The following FHL1 variants were observed in gnomAD, a reference collection of about 807,000 sequenced individuals.
FHL1 encodes four and a half LIM domains protein 1.
A neutral mutation model predicts 20.3 loss-of-function variants in FHL1; 1 was observed. The observed-to-expected ratio is 0.05, with a 90% CI of 0.02 to 0.23. The LOEUF is 0.23. FHL1 is among the 10% of genes least tolerant of loss of function. The probability of loss-of-function intolerance (pLI) is 1.00; values close to 1 mark genes in which losing one functional copy is unlikely to be tolerated. For synonymous variants in FHL1, 82 were observed against 88.9 expected (o/e 0.92, Z 0.44); for missense variants, 177 against 234.0 (o/e 0.76, Z 1.59).
intron 2 of FHL1, among the ~76,000 whole-genome samples, chrX:136,175,741 T>C (rs916747023): frequency 8.9e-6 from 1 of 112,150 alleles, no homozygotes; most frequent in African/African-American, 3.2e-5. Flanking sequence ...GGATGCAAAA[T>C]TGTATATATG....
chrX:136,210,435 C>G lies in FHL1; in HGVS notation c.*410C>G. On this transcript the variant is annotated 3_prime_UTR_variant, in exon 6 of 6. Coordinates refer to ENST00000370683, the MANE Select transcript of FHL1 (RefSeq NM_001159699.2). ...GTAGACACACGACATGCAAGAGTTGCAGCGGCTGCTCCAACTCACTGCTCA... is the reference window on the plus strand; with the variant it reads ...GTAGACACACGACATGCAAGAGTTGGAGCGGCTGCTCCAACTCACTGCTCA... The G allele has an allele frequency of 5.1e-6, 2 of 391,984 alleles. No homozygotes were observed. Among genetic ancestry groups the G allele is most frequent in the South Asian group, 2.6e-5 (1 of 38,796 alleles). The allele number at this position is 391,984 out of a possible 1,213,427, so 32.3% of individuals were successfully genotyped here.
chrX:136,148,699 GTAT>G (rs1252283360), intron 1 of FHL1: 1 of 111,609 alleles, frequency 9.0e-6, no homozygotes, highest in Non-Finnish European at 1.9e-5. Flanking sequence ...GTTGAGCGCT[GTAT>G]TATTTTCTGC....
At chrX:136,148,683 G>T (rs1224442314) in intron 1 of FHL1, 1 of 111,594 alleles carries the variant, frequency 9.0e-6, no homozygotes, top group East Asian at 2.8e-4. Flanking sequence ...CTGTTGTGTC[G>T]TTCGTGTTGA....
At chrX:136,197,172 T>C in intron 1 of FHL1, 38 bp downstream of exon 1, 1 of 1,158,756 alleles carries the variant, frequency 8.6e-7, no homozygotes, top group Non-Finnish European at 1.2e-6. Context: ...TTGAGCACAG[T>C]TTTGTTAGGG....
Position 136,210,073 on chromosome X carries a change from T to TTGTG in FHL1, c.*50_*53dup. 2 of 1,207,548 alleles carry TTGTG rather than the reference T, an allele frequency of 1.7e-6. No homozygotes were observed. The highest frequency in any genetic ancestry group is 2.2e-6 in the Non-Finnish European group (2 of 891,880). ...TAAAATGGCATTTGAATCTCGTTCTTTGTGTCCTTACTTTCTGCCCTATAC... is the reference window on the plus strand; with the variant it reads ...TAAAATGGCATTTGAATCTCGTTCTTTGTGTGTGTCCTTACTTTCTGCCCTATAC... On this transcript the variant is annotated 3_prime_UTR_variant, in exon 6 of 6. Transcript: ENST00000370683.
intron 2 of FHL1, among the ~76,000 whole-genome samples, chrX:136,171,917 C>T (rs1264910112): frequency 9.2e-6 from 1 of 108,910 alleles, no homozygotes; most frequent in Non-Finnish European, 1.9e-5. Context: ...TGCTTTGTCG[C>T]TCAGGCTGGA....
chrX:136,195,852 T>C (rs2073543322), upstream of FHL1, among the ~76,000 whole-genome samples: 1 of 112,095 alleles, frequency 8.9e-6, no homozygotes, highest in Non-Finnish European at 1.9e-5. Context: ...TAAAGGTGTC[T>C]GTACCAGCGA....
upstream of FHL1, among the ~76,000 whole-genome samples, chrX:136,193,082 TAA>T (rs57788194): frequency 0.024 from 2,321 of 95,445 alleles, 68 homozygotes; most frequent in African/African-American, 0.081. Context: ...AAGAGTCATG[TAA>T]AAAAAAAAAA....
At chrX:136,160,298 T>C (rs903200256) in intron 1 of FHL1, among the ~76,000 whole-genome samples, 1 of 111,835 alleles carries the variant, frequency 8.9e-6, no homozygotes, top group African/African-American at 3.3e-5. Context: ...GCACTGTGTA[T>C]CTTGAAGTGG....
At chrX:136,184,041 T>C (rs1459547802) in intron 2 of FHL1, among the ~76,000 whole-genome samples, 1 of 112,056 alleles carries the variant, frequency 8.9e-6, no homozygotes, top group African/African-American at 3.2e-5. Flanking sequence ...GACAAATTAC[T>C]GATTACTACA....
intron 1 of FHL1, among the ~76,000 whole-genome samples, chrX:136,151,329 G>A (rs746778178): frequency 1.8e-5 from 2 of 113,078 alleles, no homozygotes; most frequent in Admixed American, 1.9e-4. Context: ...ACATAATGTA[G>A]CAGAACATAA....
chrX:136,202,832 G>T (rs1269860955), intron 1 of FHL1, among the ~76,000 whole-genome samples: 1 of 112,244 alleles, frequency 8.9e-6, no homozygotes, highest in African/African-American at 3.2e-5. Flanking sequence ...CAGACTCAGG[G>T]AGCCCACACT....
upstream of FHL1, chrX:136,169,310 G>A: frequency 7.3e-6 from 1 of 137,287 alleles, no homozygotes; most frequent in Non-Finnish European, 1.5e-5. Context: ...CTGTTTCCTA[G>A]TGCTGCAGAA....
chrX:136,171,698 A>C (rs1237848955), intron 2 of FHL1, among the ~76,000 whole-genome samples: 1 of 111,763 alleles, frequency 8.9e-6, no homozygotes, highest in African/African-American at 3.3e-5. Context: ...GGAACATTTA[A>C]ATCGAAGTTT....
At chrX:136,186,559 TA>T (rs1271327750) in intron 2 of FHL1, among the ~76,000 whole-genome samples, 1 of 111,330 alleles carries the variant, frequency 9.0e-6, no homozygotes, top group Non-Finnish European at 1.9e-5. Flanking sequence ...ATCCTATCTT[TA>T]AAAAATGTAT....
intron 1 of FHL1, among the ~76,000 whole-genome samples, chrX:136,159,551 C>CATAA (rs1051400239): frequency 2.7e-5 from 3 of 111,476 alleles, no homozygotes; most frequent in Admixed American, 9.5e-5. Context: ...TAAATAAATA[C>CATAA]ATAAATAAAT....
At chrX:136,175,199 A>T (rs1486367717) in intron 2 of FHL1, among the ~76,000 whole-genome samples, 29 of 112,437 alleles carry the variant, frequency 2.6e-4, no homozygotes. Flanking sequence ...AAGTTATATC[A>T]CAATGTAAAG....
At position 136,211,027 on chromosome X, in the gene FHL1, G is replaced by A. The variant is rs965518307; in HGVS notation, c.*1002G>A. The A allele has an allele frequency of 4.3e-5, 16 of 374,308 alleles. No homozygotes were observed. The highest frequency in any genetic ancestry group is 2.3e-4 in the East Asian group (4 of 17,319). The allele number at this position is 374,308 out of a possible 1,213,427, so 30.8% of individuals were successfully genotyped here. On this transcript the variant is annotated 3_prime_UTR_variant, in exon 6 of 6. Transcript: ENST00000370683. ...AGTGACTAGTTGAATCCCTTGTAAC[G>A]TAGTAGTTGTCTGCTCTTTGTCCAT...
intron 2 of FHL1, among the ~76,000 whole-genome samples, chrX:136,184,148 C>G (rs2073230769): frequency 8.9e-6 from 1 of 111,993 alleles, no homozygotes; most frequent in African/African-American, 3.2e-5. Context: ...AAACCCTATC[C>G]TGGCTGTGTT....
Sources: gnomAD v4.1 joint callset for allele counts (sites outside exome capture counted in the v4.1 genomes callset) on GRCh38, gnomAD v4.1.1 for gene constraint, MANE v1.5 for transcripts, NCBI Gene and HGNC (gene_info 2026-07-23, HGNC 2026-07-21) for gene names.